The following AGO3 variants were observed in gnomAD, a reference collection of about 807,000 sequenced individuals.
The protein encoded by AGO3 is argonaute RISC catalytic component 3, also known as protein argonaute-3.
In AGO3, 16 loss-of-function variants were observed where a neutral mutation model predicts 105.5. The observed-to-expected ratio is 0.15, with a 90% CI of 0.10 to 0.23. The LOEUF is 0.23. Ranked by LOEUF, AGO3 falls within the 10% of genes least tolerant of loss-of-function variation. The probability of loss-of-function intolerance (pLI) is 1.00; values close to 1 mark genes in which losing one functional copy is unlikely to be tolerated. For synonymous variants in AGO3, 340 were observed against 367.3 expected (o/e 0.93, Z 0.85); for missense variants, 534 against 1,088.0 (o/e 0.49, Z 7.16).
Position 35,931,419 on chromosome 1 carries a change from C to T in AGO3, c.-8C>T. 3 of 1,509,484 alleles carry T rather than the reference C, an allele frequency of 2.0e-6. No individual in the cohort carries two copies. Among genetic ancestry groups the T allele is most frequent in the East Asian group, 2.7e-5 (1 of 36,638 alleles). 93.5% of individuals were successfully genotyped at this position (1,509,484 alleles called of 1,614,324 possible). A position where few individuals can be genotyped will look rare whatever the true frequency, so the allele number is the denominator to read the frequency against. ...TTCTCCCTCGAAGCACTCCCCCCAG[C>T]TCCATGAATGGAAATCGGCTCCGCA... On this transcript the variant is annotated 5_prime_UTR_variant, in exon 1 of 19. Coordinates refer to ENST00000373191, the MANE Select transcript of AGO3 (RefSeq NM_024852.4).
In AGO3 at chr1:36,061,618, G is replaced by A. The variant is rs1643028193; in HGVS notation, c.*5873G>A. On this transcript the variant is annotated 3_prime_UTR_variant, in exon 19 of 19. Transcript: ENST00000373191. ...TGTCAAATCACCTATCCAGCCATCG[G>A]GGTCCCTTCCTTTTTTAGACTAATT... 6.6e-6 allele frequency: 1 copy of A among 152,124 alleles called. No individual in the cohort carries two copies. The highest frequency in any genetic ancestry group is 1.5e-5 in the Non-Finnish European group (1 of 68,016). The allele number at this position is 152,124 out of a possible 1,614,324, so 9.4% of individuals were successfully genotyped here.
intron 4 of AGO3, among the ~76,000 whole-genome samples, chr1:35,973,002 TG>T (rs1267747618): frequency 6.6e-6 from 1 of 151,454 alleles, no homozygotes; most frequent in African/African-American, 2.4e-5. Flanking sequence ...TGACTCAGTA[TG>T]TTTTTTTTTA....
intron 5 of AGO3, among the ~76,000 whole-genome samples, chr1:35,982,410 A>T (rs1308398065): frequency 6.6e-6 from 1 of 152,238 alleles, no homozygotes; most frequent in Admixed American, 6.5e-5. Flanking sequence ...AAAACTTGAA[A>T]TGCCGATTTT....
intron 2 of AGO3, among the ~76,000 whole-genome samples, chr1:35,963,004 C>G (rs1400120721): frequency 2.0e-5 from 3 of 152,166 alleles, no homozygotes; most frequent in African/African-American, 7.2e-5. Context: ...CTGGATAATG[C>G]CACATATTGG....
chr1:35,931,369 T>C lies in AGO3; in HGVS notation c.-58T>C. On this transcript the variant is annotated 5_prime_UTR_variant, in exon 1 of 19. Coordinates refer to ENST00000373191, the MANE Select transcript of AGO3 (RefSeq NM_024852.4). ...GCGCCGCGTCGCCCCCCGGGCCGCC[T>C]CCTTGCCGCCAGTGGCGGGCTCCGT... 1 of 1,406,238 alleles carries C rather than the reference T, an allele frequency of 7.1e-7. No homozygotes were observed. Among genetic ancestry groups the C allele is most frequent in the East Asian group, 2.8e-5 (1 of 35,322 alleles). 87.1% of individuals were successfully genotyped at this position (1,406,238 alleles called of 1,614,324 possible). A position where few individuals can be genotyped will look rare whatever the true frequency, so the allele number is the denominator to read the frequency against.
intron 1 of AGO3, among the ~76,000 whole-genome samples, chr1:35,939,846 C>T (rs1017857877): frequency 6.6e-6 from 1 of 152,090 alleles, no homozygotes; most frequent in Non-Finnish European, 1.5e-5. Flanking sequence ...CATCAACCCA[C>T]GTCCAATCGC....
chr1:35,998,862 T>G (rs1362578631), intron 5 of AGO3, among the ~76,000 whole-genome samples: 1 of 152,168 alleles, frequency 6.6e-6, no homozygotes, highest in Non-Finnish European at 1.5e-5. Context: ...TTCCTTACCT[T>G]TAAGACCATA....
At chr1:35,956,396 T>G (rs887088154) in intron 2 of AGO3, among the ~76,000 whole-genome samples, 1 of 152,166 alleles carries the variant, frequency 6.6e-6, no homozygotes, top group African/African-American at 2.4e-5. Flanking sequence ...TTATTGGAAA[T>G]AAGTGTCTAG....
At chr1:36,040,183 A>G (rs1192326785) in intron 15 of AGO3, 124 bp from the exon 16 acceptor site, 6 of 1,206,896 alleles carry the variant, frequency 5.0e-6, no homozygotes, top group African/African-American at 1.5e-5. Context: ...AATCGTTAAA[A>G]TGGAATCTAT....
rs1025271189 is a variant in AGO3 at position 36,061,056 on chromosome 1, A to G, written c.*5311A>G. 4.6e-5 allele frequency: 7 copies of G among 152,132 alleles called. No homozygotes were observed. Among genetic ancestry groups the G allele is most frequent in the African/African-American group, 1.4e-4 (6 of 41,420 alleles). The allele number at this position is 152,132 out of a possible 1,614,324, so 9.4% of individuals were successfully genotyped here. A position where few individuals can be genotyped will look rare whatever the true frequency, so the allele number is the denominator to read the frequency against. On this transcript the variant is annotated 3_prime_UTR_variant, in exon 19 of 19. Transcript: ENST00000373191. ...TCAGCACAGAAATCAGAAAGTGAGAATTTTCTCCAAAAAATCTTTTTAAAA... is the reference window on the plus strand; with the variant it reads ...TCAGCACAGAAATCAGAAAGTGAGAGTTTTCTCCAAAAAATCTTTTTAAAA...
At chr1:36,000,113 TGTA>T (rs1640016107) in intron 5 of AGO3, among the ~76,000 whole-genome samples, 1 of 152,136 alleles carries the variant, frequency 6.6e-6, no homozygotes, top group Non-Finnish European at 1.5e-5. Flanking sequence ...AACATGTTAA[TGTA>T]GTATATTTTA....
rs552461224 is a variant in AGO3, at chr1:36,014,183, G to A, written c.1406+135G>A. ...GAACCATTTTTTTTTTTTTGAGACA[G>A]AGTCTCACTCTGTCACCCAGGCTGA... On this transcript the variant is annotated intron_variant, in intron 11 of 18. Transcript: ENST00000373191. 223 of 1,168,330 alleles carry A rather than the reference G, an allele frequency of 1.9e-4. No homozygotes were observed. In the East Asian group the frequency reaches 5.2e-3, roughly 27 times the overall value. The allele number at this position is 1,168,330 out of a possible 1,614,324, so 72.4% of individuals were successfully genotyped here.
chr1:36,036,708 T>C (rs1179013627), intron 14 of AGO3, among the ~76,000 whole-genome samples: 1 of 152,118 alleles, frequency 6.6e-6, no homozygotes, highest in Admixed American at 6.6e-5. Context: ...ATTTTATTTA[T>C]TTTTTTCAGA....
intron 5 of AGO3, among the ~76,000 whole-genome samples, chr1:35,976,215 G>A (rs1168688871): frequency 6.6e-6 from 1 of 152,090 alleles, no homozygotes; most frequent in South Asian, 2.1e-4. Flanking sequence ...GATTACAGGC[G>A]TGAGCCACTG....
chr1:36,024,382 C>T (rs754771097), intron 11 of AGO3, among the ~76,000 whole-genome samples: 1 of 152,150 alleles, frequency 6.6e-6, no homozygotes, highest in Non-Finnish European at 1.5e-5. Context: ...AGCAGTCCTC[C>T]TGCCTTGGCC....
intron 11 of AGO3, among the ~76,000 whole-genome samples, chr1:36,022,231 A>G (rs997824979): frequency 3.3e-5 from 5 of 151,940 alleles, no homozygotes; most frequent in South Asian, 2.1e-4. Flanking sequence ...TGCTCTGCTA[A>G]CTTTTTTTCT....
intron 11 of AGO3, among the ~76,000 whole-genome samples, chr1:36,015,718 C>A (rs1008513970): frequency 6.6e-6 from 1 of 152,216 alleles, no homozygotes; most frequent in Non-Finnish European, 1.5e-5. Flanking sequence ...ATAGTAGCAG[C>A]AAGCATCATT....
Position 36,027,076 on chromosome 1 carries a change from T to A in AGO3, c.1407-38T>A, listed in dbSNP as rs954025819. On this transcript the variant is annotated intron_variant, in intron 11 of 18. Coordinates refer to ENST00000373191, the MANE Select transcript of AGO3 (RefSeq NM_024852.4). This position sits in a 1 kb window ranked among gnomAD's most constrained non-coding sequence, Gnocchi z 4.0. ...TTACTACTTTGTAGGAATTCATGAC[T>A]AGACAAAGGTTTTATATTTAGTGGT... 1.3e-6 allele frequency: 2 copies of A among 1,567,678 alleles called. No homozygotes were observed. The highest frequency in any genetic ancestry group is 1.4e-5 in the African/African-American group (1 of 73,228).
rs905918001 is a variant in AGO3 at position 36,058,154 on chromosome 1, A to G, written c.*2409A>G. The stretch of plus-strand genomic sequence containing the variant: ...GGCTAGATGCCCATTTTCATTTACT[A>G]AAATGAATCAGGAAAATGCAAGATG... On this transcript the variant is annotated 3_prime_UTR_variant, in exon 19 of 19. Coordinates refer to ENST00000373191, the MANE Select transcript of AGO3 (RefSeq NM_024852.4). 1.3e-5 allele frequency: 2 copies of G among 152,220 alleles called. No homozygotes were observed. The highest frequency in any genetic ancestry group is 2.9e-5 in the Non-Finnish European group (2 of 68,038). The allele number at this position is 152,220 out of a possible 1,614,324, so 9.4% of individuals were successfully genotyped here.
Sources: gnomAD v4.1 joint callset for allele counts (sites outside exome capture counted in the v4.1 genomes callset) on GRCh38, gnomAD v4.1.1 for gene constraint, Gnocchi (gnomAD v3.1) non-coding constraint, MANE v1.5 for transcripts, NCBI Gene and HGNC (gene_info 2026-07-23, HGNC 2026-07-21) for gene names.